SRSF3: variants seen among roughly 807,000 people sequenced by gnomAD.
SRSF3 encodes serine/arginine-rich splicing factor 3.
For missense variants in SRSF3, 58 were observed against 217.1 expected (o/e 0.27, Z 4.61); for synonymous variants, 87 against 73.6 (o/e 1.18, Z -0.93).
intron 1 of SRSF3, among the ~76,000 whole-genome samples, chr6:36,595,677 A>G (rs1225528500): frequency 6.6e-6 from 1 of 152,192 alleles, no homozygotes; most frequent in Admixed American, 6.5e-5. Context: ...ATCATTCTGA[A>G]TAATACTCAT....
intron 3 of SRSF3, 137 bp from the exon 4 acceptor site, chr6:36,601,015 T>TTTTTTTTTTTTTTTTTTTTTTTTTC (rs1562013465): frequency 3.2e-6 from 1 of 316,020 alleles, no homozygotes; most frequent in African/African-American, 2.4e-5. Context: ...TTTTTTTTTT[T>TTTTTTTTTTTTTTTTTTTTTTTTTC]TTTTTTTTTT....
Position 36,603,977 on chromosome 6 carries a change from C to T in SRSF3, c.*1988C>T, listed in dbSNP as rs1204212385. 4.3e-6 allele frequency: 1 copy of T among 230,564 alleles called. No individual in the cohort carries two copies. Among genetic ancestry groups the T allele is most frequent in the African/African-American group, 2.2e-5 (1 of 45,176 alleles). 14.3% of individuals were successfully genotyped at this position (230,564 alleles called of 1,614,324 possible). ...TAACTTCACCAGGGAGTTATCCTGACTTAGGTGACATACAGTCCCAGTTGG... is the reference window on the plus strand; with the variant it reads ...TAACTTCACCAGGGAGTTATCCTGATTTAGGTGACATACAGTCCCAGTTGG... On this transcript the variant is annotated 3_prime_UTR_variant, in exon 6 of 6. Transcript: ENST00000373715.
intron 1 of SRSF3, among the ~76,000 whole-genome samples, chr6:36,596,544 G>A (rs1055995324): frequency 2.2e-5 from 3 of 136,222 alleles, no homozygotes; most frequent in South Asian, 5.2e-4. Flanking sequence ...CTTCCTGAGG[G>A]TTAGGAGTAA....
chr6:36,601,120 G>T lies in SRSF3; in HGVS notation c.342-32G>T, dbSNP rs373755733. 6.6e-6 allele frequency: 10 copies of T among 1,520,922 alleles called. No homozygotes were observed. The South Asian group carries it at 8.9e-5, about 14-fold the overall frequency. 94.2% of individuals were successfully genotyped at this position (1,520,922 alleles called of 1,614,324 possible). On this transcript the variant is annotated intron_variant, in intron 3 of 5. Transcript: ENST00000373715. Reference sequence around the variant, plus strand: ...CCTCACGCCATAAATACTAATTGATGATGAGCCTAATTTTCCTGTTTCTGC... The same window carrying T: ...CCTCACGCCATAAATACTAATTGATTATGAGCCTAATTTTCCTGTTTCTGC...
chr6:36,598,899 G>A lies in SRSF3; in HGVS notation c.257G>A (p.Arg86Lys). The A allele has an allele frequency of 1.2e-6, 2 of 1,613,978 alleles. No homozygotes were observed. Among genetic ancestry groups the A allele is most frequent in the Non-Finnish European group, 1.7e-6 (2 of 1,179,972 alleles). ...VRVELSNGEK[R>K]SRNRGPPPSW... ...GTGGAACTGTCGAATGGTGAAAAAA[G>A]AAGTAGAAATCGTGGCCCACCTCCC... Residue 86 changes from arginine (R) to lysine (K), a missense_variant, in exon 3 of 6, where the codon AGA becomes AAA. Coordinates refer to ENST00000373715, the MANE Select transcript of SRSF3 (RefSeq NM_003017.5).
chr6:36,603,642 A>T lies in SRSF3; in HGVS notation c.*1653A>T, dbSNP rs559407697. The T allele has an allele frequency of 8.7e-6, 2 of 229,882 alleles. No individual in the cohort carries two copies. Among genetic ancestry groups the T allele is most frequent in the African/African-American group, 4.4e-5 (2 of 45,170 alleles). The allele number at this position is 229,882 out of a possible 1,614,324, so 14.2% of individuals were successfully genotyped here. A position where few individuals can be genotyped will look rare whatever the true frequency, so the allele number is the denominator to read the frequency against. ...GGAAGGTTCAGCCTTAAAGTTAAGC[A>T]TGTTCAAGAAAGACACTTTTCAGAC... On this transcript the variant is annotated 3_prime_UTR_variant, in exon 6 of 6. Transcript: ENST00000373715.
chr6:36,601,489 A>T, intron 4 of SRSF3: 1 of 573,218 alleles, frequency 1.7e-6, no homozygotes. Context: ...CTTGGACTAC[A>T]GGCAAGTACT....
At chr6:36,601,359 A>G (rs1476971906) in intron 4 of SRSF3, 169 bp downstream of exon 4, 3 of 682,388 alleles carry the variant, frequency 4.4e-6, no homozygotes, top group African/African-American at 1.8e-5. Flanking sequence ...TTTAGAAAGT[A>G]TTTAATTTTT....
Position 36,597,002 on chromosome 6 carries a change from G to C in SRSF3, c.206+34G>C, listed in dbSNP as rs764125717. ...ATGATTACGCTGATAAAAATGTGTT[G>C]CTTGTGTTTTTCATATTTAAAATCT... is the stretch of plus-strand genomic sequence containing the variant. On this transcript the variant is annotated intron_variant, in intron 2 of 5. Transcript: ENST00000373715. The C allele has an allele frequency of 5.6e-6, 9 of 1,602,010 alleles. No individual in the cohort carries two copies. The East Asian group carries it at 1.6e-4, about 28-fold the overall frequency.
At position 36,602,894 on chromosome 6, in the gene SRSF3, GA is replaced by G. The variant is rs1778741503; in HGVS notation, c.*907del. ...TTATATTTTCTTGTAAAGTGCTTTT[GA>G]ATTAATAAAATATTAGCATAATTGT... On this transcript the variant is annotated 3_prime_UTR_variant, in exon 6 of 6. Coordinates refer to ENST00000373715, the MANE Select transcript of SRSF3 (RefSeq NM_003017.5). 4.8e-6 allele frequency: 1 copy of G among 209,784 alleles called. No individual in the cohort carries two copies. The highest frequency in any genetic ancestry group is 2.3e-5 in the African/African-American group (1 of 44,020). The allele number at this position is 209,784 out of a possible 1,614,324, so 13.0% of individuals were successfully genotyped here.
intron 3 of SRSF3, 122 bp from the exon 4 acceptor site, chr6:36,601,030 C>T (rs1169129702): frequency 8.5e-5 from 10 of 117,748 alleles, no homozygotes; most frequent in South Asian, 3.1e-4. Flanking sequence ...TTTTTTTGGA[C>T]GATGGGTGCC....
chr6:36,598,270 G>T (rs529215759), intron 2 of SRSF3, among the ~76,000 whole-genome samples: 24 of 152,284 alleles, frequency 1.6e-4, no homozygotes, highest in Non-Finnish European at 1.9e-4. Flanking sequence ...AATCAGACTG[G>T]CTCTAACAAT....
intron 3 of SRSF3, 160 bp from the exon 4 acceptor site, chr6:36,600,992 C>CTTTTTTTTTTTTTTTTTTTG (rs1169887735): frequency 2.9e-6 from 1 of 340,132 alleles, no homozygotes; most frequent in Non-Finnish European, 4.5e-6. Flanking sequence ...TTTTTCTTTT[C>CTTTTTTTTTTTTTTTTTTTG]TTTTTTTTCT....
intron 2 of SRSF3, among the ~76,000 whole-genome samples, chr6:36,597,535 C>A (rs74882376): frequency 2.6e-5 from 4 of 152,140 alleles, no homozygotes; most frequent in Non-Finnish European, 5.9e-5. Context: ...GAATCACTTA[C>A]TATTTCCCTT....
chr6:36,599,026 G>A (rs1250218255), intron 3 of SRSF3, 43 bp downstream of exon 3: 1 of 1,601,138 alleles, frequency 6.2e-7, no homozygotes, highest in Non-Finnish European at 8.5e-7. Flanking sequence ...GTGTAATGGA[G>A]TAGCTAGTAG....
chr6:36,601,121 A>G (rs377055512), intron 3 of SRSF3, 31 bp from the exon 4 acceptor site: 1 of 1,593,796 alleles, frequency 6.3e-7, no homozygotes, highest in African/African-American at 1.4e-5. Context: ...CTAATTGATG[A>G]TGAGCCTAAT....
chr6:36,594,882 C>T (rs1181606628), intron 1 of SRSF3: 1 of 151,996 alleles, frequency 6.6e-6, no homozygotes, highest in Admixed American at 6.6e-5. Context: ...ATTAAATGGC[C>T]CCCGTAGTCA....
chr6:36,601,678 A>C, intron 4 of SRSF3, 30 bp from the exon 5 acceptor site: 1 of 1,550,478 alleles, frequency 6.4e-7, no homozygotes, highest in East Asian at 2.3e-5. Flanking sequence ...ATCATACCTC[A>C]TTGGTCCTAA....
chr6:36,598,738 A>C lies in SRSF3; in HGVS notation c.207-111A>C, dbSNP rs1046006879. The C allele has an allele frequency of 1.5e-5, 19 of 1,288,878 alleles. No individual in the cohort carries two copies. The African/African-American group carries it at 2.8e-4, about 19-fold the overall frequency. 79.8% of individuals were successfully genotyped at this position (1,288,878 alleles called of 1,614,324 possible). A position where few individuals can be genotyped will look rare whatever the true frequency, so the allele number is the denominator to read the frequency against. ...AGCTAGAAATTTGATGTTAAATTGC[A>C]CAGACACTTAGGTGTGTTCTTTGCA... On this transcript the variant is annotated intron_variant, in intron 2 of 5. Transcript: ENST00000373715.
Sources: gnomAD v4.1 joint callset for allele counts (sites outside exome capture counted in the v4.1 genomes callset) on GRCh38, gnomAD v4.1.1 for gene constraint, MANE v1.5 for transcripts, NCBI Gene and HGNC (gene_info 2026-07-23, HGNC 2026-07-21) for gene names.